Variants in LAMA1 observed in about 807,000 individuals in gnomAD.
The protein encoded by LAMA1 is laminin subunit alpha 1.
A neutral mutation model predicts 348.7 loss-of-function variants in LAMA1; 219 were observed. The ratio of observed to expected loss-of-function variants is 0.63; its 90% CI spans 0.56 to 0.70. The LOEUF (loss-of-function observed/expected upper bound fraction) is 0.70, where lower values mean the gene tolerates loss of function less well. Ranked by LOEUF, LAMA1 falls within the 30% of genes least tolerant of loss-of-function variation. LAMA1 has a pLI of 0.00. For synonymous variants in LAMA1, 1,487 were observed against 1,491.0 expected (o/e 1.00, Z 0.06); for missense variants, 3,744 against 3,888.0 (o/e 0.96, Z 0.99).
rs116895325 is a variant in LAMA1 at position 6,950,689 on chromosome 18, T to C, written c.8397+93A>G. Reference sequence around the variant, plus strand: ...ACACACACGGCGAGATAGAGATTAATGGGGATAATGTGCCTTTGAGAAATG... The same window carrying C: ...ACACACACGGCGAGATAGAGATTAACGGGGATAATGTGCCTTTGAGAAATG... On this transcript the variant is annotated intron_variant, in intron 58 of 62. Transcript: ENST00000389658. The C allele has an allele frequency of 9.8e-3, 13,423 of 1,374,824 alleles. 84 individuals are homozygous for C. Among genetic ancestry groups the C allele is most frequent in the Non-Finnish European group, 0.012 (11,638 of 968,890 alleles). 85.2% of individuals were successfully genotyped at this position (1,374,824 alleles called of 1,614,324 possible).
intron 17 of LAMA1, among the ~76,000 whole-genome samples, chr18:7,024,675 T>C (rs1371322158): frequency 1.3e-5 from 2 of 152,032 alleles, no homozygotes; most frequent in African/African-American, 2.4e-5. Context: ...GCACTGACAC[T>C]CACTCCTCAC....
chr18:7,040,349 C>T, intron 9 of LAMA1, 113 bp from the exon 10 acceptor site: 1 of 1,074,626 alleles, frequency 9.3e-7, no homozygotes, highest in Non-Finnish European at 1.4e-6. Flanking sequence ...GGCTTTTTGG[C>T]CTCAGAGTCT....
At chr18:7,031,680 C>CAAATAAAT (rs35755639) in intron 16 of LAMA1, among the ~76,000 whole-genome samples, 1,837 of 146,690 alleles carry the variant, frequency 0.013, 21 homozygotes, top group Middle Eastern at 0.084. Flanking sequence ...GACCCTGTCT[C>CAAATAAAT]AAATAAATAA....
Position 7,037,686 on chromosome 18 carries a change from T to G in LAMA1, c.1629A>C (p.Gln543His), listed in dbSNP as rs1412515048. The change falls in exon 12 of 63, where the codon CAA becomes CAC. Residue 543 changes from glutamine to histidine, a missense_variant. By Grantham distance (24) the Gln-to-His change is conservative. This residue lies in a region of LAMA1 where 1,529 missense variants were observed against 1,689.4 expected (regional missense o/e 0.91). Transcript: ENST00000389658. ...LISPRKIPSQQDALGGRHQVS... is the reference protein window; with the variant it reads ...LISPRKIPSQHDALGGRHQVS... ...CCTGATGGCGCCCGCCTAGTGCATC[T>G]TGCTGAGACGGGATCTTCCTGGGAC... 17 of 1,614,212 alleles carry G rather than the reference T, an allele frequency of 1.1e-5. No homozygotes were observed. Among genetic ancestry groups the G allele is most frequent in the Non-Finnish European group, 1.4e-5 (17 of 1,180,038 alleles).
intron 28 of LAMA1, among the ~76,000 whole-genome samples, chr18:7,008,089 A>C (rs1232499184): frequency 6.6e-6 from 1 of 151,638 alleles, no homozygotes; most frequent in Non-Finnish European, 1.5e-5. Flanking sequence ...TGTGCCATGC[A>C]TATATATATA....
chr18:7,041,604 A>G (rs1212266789), intron 9 of LAMA1, among the ~76,000 whole-genome samples: 1 of 152,232 alleles, frequency 6.6e-6, no homozygotes. Context: ...CCAGTTTTTG[A>G]AACGGAAAGA....
intron 6 of LAMA1, 37 bp downstream of exon 6, chr18:7,046,241 T>G: frequency 1.5e-6 from 2 of 1,320,588 alleles, no homozygotes; most frequent in Non-Finnish European, 2.2e-6. Flanking sequence ...AATTTCTGTT[T>G]TGAAGTTTTA....
chr18:6,957,058 G>A, intron 55 of LAMA1: 1 of 398,132 alleles, frequency 2.5e-6, no homozygotes, highest in Non-Finnish European at 4.7e-6. Flanking sequence ...GCCTCCTCCT[G>A]CAGCCTTGAC....
intron 33 of LAMA1, among the ~76,000 whole-genome samples, chr18:6,996,109 T>C (rs554393698): frequency 3.1e-4 from 47 of 152,256 alleles, no homozygotes; most frequent in African/African-American, 1.1e-3. Flanking sequence ...TATATAGTGA[T>C]TGGAAAAAAA....
intron 48 of LAMA1, among the ~76,000 whole-genome samples, chr18:6,969,512 T>G (rs1389187231): frequency 6.6e-6 from 1 of 152,238 alleles, no homozygotes; most frequent in Non-Finnish European, 1.5e-5. Context: ...CAAACATTTA[T>G]GATCAGTACA....
intron 19 of LAMA1, among the ~76,000 whole-genome samples, chr18:7,022,269 G>T (rs1479792015): frequency 3.3e-5 from 5 of 152,160 alleles, no homozygotes; most frequent in African/African-American, 4.8e-5. Context: ...ACCAAGGCTT[G>T]CAGTAATGAT....
chr18:7,087,786 TG>T (rs1339997091), intron 1 of LAMA1, among the ~76,000 whole-genome samples: 2 of 152,192 alleles, frequency 1.3e-5, no homozygotes, highest in Non-Finnish European at 2.9e-5. Flanking sequence ...GCCATCAGTG[TG>T]GCCTTGGCCG....
In LAMA1 at chr18:6,947,495, C is replaced by G. The variant is rs376541468; in HGVS notation, c.8711-199G>C. 5.1e-4 allele frequency among the ~76,000 whole-genome samples: 78 copies of G among 152,236 alleles called. No homozygotes were observed. In the Middle Eastern group the frequency reaches 0.014, roughly 27 times the overall value. ...GATGACGTGGAGCTTTTAAAGAAGA[C>G]GCATGCAGTCAGCCAGGTCAGAGCA... On this transcript the variant is annotated intron_variant, in intron 60 of 62. Transcript: ENST00000389658.
Position 6,973,682 on chromosome 18 carries a change from C to T in LAMA1, c.6624-475G>A, listed in dbSNP as rs114257705. On this transcript the variant is annotated intron_variant, in intron 46 of 62. Coordinates refer to ENST00000389658, the MANE Select transcript of LAMA1 (RefSeq NM_005559.4). ...GACTTAAGTGCAATGTGCTGCCAGC[C>T]ACATGCAATGTCTACCATGCCACAC... 3.1e-3 allele frequency among the ~76,000 whole-genome samples: 479 copies of T among 152,314 alleles called. 3 individuals are homozygous for T. The highest frequency in any genetic ancestry group is 0.011 in the African/African-American group (466 of 41,576).
chr18:7,110,757 G>T (rs1203337692), intron 1 of LAMA1, among the ~76,000 whole-genome samples: 2 of 152,088 alleles, frequency 1.3e-5, no homozygotes, highest in African/African-American at 4.8e-5. Flanking sequence ...GGAGGCGGAG[G>T]TTGCAGTCAG....
chr18:6,984,152 T>C (rs906713827), intron 39 of LAMA1, among the ~76,000 whole-genome samples: 2 of 152,148 alleles, frequency 1.3e-5, no homozygotes, highest in African/African-American at 4.8e-5. Flanking sequence ...TAATGCCATT[T>C]TCCACTACTG....
rs768463342 is a variant in LAMA1, at chr18:7,017,331, CG to C, written c.2754del (p.Leu920SerfsTer8). 6.2e-7 allele frequency: 1 copy of C among 1,614,016 alleles called. No individual in the cohort carries two copies. The highest frequency in any genetic ancestry group is 8.5e-7 in the Non-Finnish European group (1 of 1,180,010). ...ACGTTTGGTTTGCAGTCACAGAGCC[CG>C]GTCTCAAGATGGCACACGGCAGAAT... ...GSHSAVCHLETGLCDCKPNVT... is the reference protein window; with the variant it reads ...GSHSAVCHLEXGLCDCKPNVT... On this transcript the variant is annotated frameshift_variant, in exon 20 of 63. Transcript: ENST00000389658. LOFTEE classifies it high-confidence loss of function.
chr18:7,007,367 T>C, intron 28 of LAMA1, 91 bp from the exon 29 acceptor site: 5 of 1,299,976 alleles, frequency 3.8e-6, no homozygotes, highest in Non-Finnish European at 5.3e-6. Context: ...GACATACAAA[T>C]GGCCAACAGG....
At chr18:6,958,804 C>T in intron 54 of LAMA1, 142 bp from the exon 55 acceptor site, 1 of 687,604 alleles carries the variant, frequency 1.5e-6, no homozygotes, top group East Asian at 2.7e-5. Context: ...CTGTCTGTGA[C>T]CAAAAAGGTG....
Sources: allele counts gnomAD v4.1 joint callset (sites outside exome capture counted in the v4.1 genomes callset), GRCh38; gene constraint gnomAD v4.1.1; regional missense constraint gnomAD v4.1.1; transcripts MANE v1.5; gene names NCBI Gene and HGNC (gene_info 2026-07-23, HGNC 2026-07-21).